SGCZ: variants seen among roughly 807,000 people sequenced by gnomAD.
SGCZ encodes the protein zeta-sarcoglycan.
A neutral mutation model predicts 41.3 loss-of-function variants in SGCZ; 40 were observed. That is an observed-to-expected ratio of 0.97 (90% confidence interval 0.75 to 1.26). The LOEUF is 1.26. SGCZ is among the 50% of genes most tolerant of loss of function. The pLI, the probability that SGCZ is intolerant of heterozygous loss-of-function variation, is 0.00. For synonymous variants in SGCZ, 206 were observed against 137.5 expected (o/e 1.50, Z -3.49); for missense variants, 552 against 369.8 (o/e 1.49, Z -4.04).
At chr8:14,857,151 C>T (rs1803568027) in intron 1 of SGCZ, among the ~76,000 whole-genome samples, 1 of 152,118 alleles carries the variant, frequency 6.6e-6, no homozygotes, top group Non-Finnish European at 1.5e-5. Flanking sequence ...GTTCATGATC[C>T]AGCCATGTAA....
At chr8:14,976,317 C>A (rs1282942513) in intron 1 of SGCZ, among the ~76,000 whole-genome samples, 1 of 152,034 alleles carries the variant, frequency 6.6e-6, no homozygotes, top group Admixed American at 6.6e-5. Flanking sequence ...GCCACCGCGC[C>A]TGTCCCTCCC....
At chr8:14,929,149 G>T (rs1047101402) in intron 1 of SGCZ, among the ~76,000 whole-genome samples, 1 of 151,936 alleles carries the variant, frequency 6.6e-6, no homozygotes, top group Non-Finnish European at 1.5e-5. Context: ...GCACCACCAC[G>T]CCCAGCTAAT....
At chr8:15,093,817 C>A (rs1275628073) in intron 1 of SGCZ, among the ~76,000 whole-genome samples, 2 of 152,244 alleles carry the variant, frequency 1.3e-5, no homozygotes, top group South Asian at 4.1e-4. Flanking sequence ...ATAATCGGAC[C>A]ATTAAACAAT....
At chr8:14,661,931 A>C (rs1385991881) in intron 1 of SGCZ, among the ~76,000 whole-genome samples, 1 of 152,158 alleles carries the variant, frequency 6.6e-6, no homozygotes, top group African/African-American at 2.4e-5. Flanking sequence ...ACAATGTTAA[A>C]TTTTAAATAC....
chr8:14,149,976 C>T (rs1160836352), intron 5 of SGCZ, among the ~76,000 whole-genome samples: 2 of 151,942 alleles, frequency 1.3e-5, no homozygotes, highest in Non-Finnish European at 2.9e-5. Context: ...ATCCATACAC[C>T]AAAGAATGAG....
chr8:14,458,303 A>G (rs1194211515), intron 2 of SGCZ, among the ~76,000 whole-genome samples: 1 of 152,202 alleles, frequency 6.6e-6, no homozygotes, highest in African/African-American at 2.4e-5. Flanking sequence ...ACTACCCTAA[A>G]TAACTTCAGG....
At chr8:14,645,230 G>C (rs1221094075) in intron 1 of SGCZ, among the ~76,000 whole-genome samples, 6 of 150,788 alleles carry the variant, frequency 4.0e-5, no homozygotes, top group African/African-American at 1.2e-4. Context: ...GCTATAAAAG[G>C]GTTCACAATG....
intron 1 of SGCZ, among the ~76,000 whole-genome samples, chr8:15,142,179 T>C (rs1392267495): frequency 6.6e-6 from 1 of 152,046 alleles, no homozygotes; most frequent in Non-Finnish European, 1.5e-5. Flanking sequence ...CTAGAGGACT[T>C]TTGATTAAGA....
intron 2 of SGCZ, among the ~76,000 whole-genome samples, chr8:14,474,973 C>A (rs1186914432): frequency 6.6e-6 from 1 of 152,078 alleles, no homozygotes; most frequent in Non-Finnish European, 1.5e-5. Context: ...GTACTGAATG[C>A]CAGAAGAATT....
intron 4 of SGCZ, among the ~76,000 whole-genome samples, chr8:14,186,514 G>A (rs1166727668): frequency 6.6e-6 from 1 of 152,138 alleles, no homozygotes; most frequent in African/African-American, 2.4e-5. Context: ...GGAGGGTCCA[G>A]GCCACGATAG....
chr8:14,807,036 T>G (rs1801558882), intron 1 of SGCZ, among the ~76,000 whole-genome samples: 1 of 152,166 alleles, frequency 6.6e-6, no homozygotes, highest in Non-Finnish European at 1.5e-5. Flanking sequence ...CAACAACGCT[T>G]CAGGCTAAAA....
intron 1 of SGCZ, among the ~76,000 whole-genome samples, chr8:14,740,199 T>C (rs1563237991): frequency 2.0e-5 from 3 of 152,048 alleles, no homozygotes; most frequent in Non-Finnish European, 4.4e-5. Context: ...TGGAAAAAGA[T>C]AAAAGTTTAT....
chr8:15,179,127 G>T (rs1308836537), intron 1 of SGCZ, among the ~76,000 whole-genome samples: 1 of 152,048 alleles, frequency 6.6e-6, no homozygotes, highest in Admixed American at 6.6e-5. Flanking sequence ...GACTAAAATA[G>T]TAAATTTTAA....
At chr8:15,156,008 A>C (rs1221282814) in intron 1 of SGCZ, among the ~76,000 whole-genome samples, 1 of 144,954 alleles carries the variant, frequency 6.9e-6, no homozygotes, top group Non-Finnish European at 1.5e-5. Flanking sequence ...CAGTGAGCCA[A>C]GATCGTGCCA....
At chr8:15,058,632 C>G (rs924496658) in intron 1 of SGCZ, among the ~76,000 whole-genome samples, 1 of 152,064 alleles carries the variant, frequency 6.6e-6, no homozygotes, top group East Asian at 1.9e-4. Context: ...TTTGGCTTTC[C>G]CCTGGAGCTC....
intron 2 of SGCZ, among the ~76,000 whole-genome samples, chr8:14,326,452 T>G (rs972977395): frequency 1.3e-5 from 2 of 152,128 alleles, no homozygotes; most frequent in African/African-American, 2.4e-5. Context: ...ACTCTTTAAA[T>G]TTTTTAAAAA....
chr8:14,747,053 T>C (rs766452861), intron 1 of SGCZ, among the ~76,000 whole-genome samples: 77 of 152,220 alleles, frequency 5.1e-4, no homozygotes, highest in Non-Finnish European at 9.4e-4. Flanking sequence ...TTTTCACTTT[T>C]GATGTGTTTC....
chr8:14,938,610 C>T (rs1299540867), intron 1 of SGCZ, among the ~76,000 whole-genome samples: 1 of 152,040 alleles, frequency 6.6e-6, no homozygotes, highest in African/African-American at 2.4e-5. Context: ...CAACAGTATG[C>T]TATTAGTAGC....
intron 1 of SGCZ, among the ~76,000 whole-genome samples, chr8:15,037,996 G>C (rs560410626): frequency 1.5e-3 from 221 of 152,122 alleles, no homozygotes; most frequent in South Asian, 8.9e-3. Context: ...TTCATAGAAT[G>C]AAATAATTAA....
Sources: allele counts gnomAD v4.1 joint callset (sites outside exome capture counted in the v4.1 genomes callset), GRCh38; gene constraint gnomAD v4.1.1; transcripts MANE v1.5; gene names NCBI Gene and HGNC (gene_info 2026-07-23, HGNC 2026-07-21).